Variants in CHST11 observed in about 807,000 individuals in gnomAD.
CHST11 encodes carbohydrate sulfotransferase 11.
Under a neutral mutation model 30.4 loss-of-function variants are expected in CHST11, and 9 were observed. The ratio of observed to expected loss-of-function variants is 0.30; its 90% confidence interval spans 0.18 to 0.52. The LOEUF is 0.52. Ranked by LOEUF, CHST11 falls within the 20% of genes least tolerant of loss-of-function variation. The pLI is 0.97. For synonymous variants in CHST11, 152 were observed against 187.8 expected, an observed-to-expected ratio of 0.81 and a Z score of 1.56; for missense variants, 348 against 460.6, an observed-to-expected ratio of 0.76 and a Z score of 2.24.
chr12:104,636,250 G>A (rs1274707483), intron 2 of CHST11, among the ~76,000 whole-genome samples: 1 of 152,096 alleles, frequency 6.6e-6, no homozygotes, highest in African/African-American at 2.4e-5. Context: ...TTTGTTCAAC[G>A]CTACCACCCT....
chr12:104,691,816 C>T (rs576312297), intron 2 of CHST11, among the ~76,000 whole-genome samples: 44 of 152,288 alleles, frequency 2.9e-4, no homozygotes, highest in African/African-American at 1.0e-3. Flanking sequence ...CAGGTATTGT[C>T]ACCTAAGGGC....
intron 2 of CHST11, among the ~76,000 whole-genome samples, chr12:104,750,851 A>T (rs2040426004): frequency 6.6e-6 from 1 of 152,208 alleles, no homozygotes; most frequent in South Asian, 2.1e-4. Context: ...AAATTATTTT[A>T]AAATTAAAAA....
chr12:104,541,299 C>A (rs1418340047), intron 1 of CHST11, among the ~76,000 whole-genome samples: 1 of 152,176 alleles, frequency 6.6e-6, no homozygotes, highest in Non-Finnish European at 1.5e-5. Context: ...TGATTCATCT[C>A]GTGTCAGTGA....
At chr12:104,573,841 G>A (rs1490501437) in intron 1 of CHST11, among the ~76,000 whole-genome samples, 1 of 152,156 alleles carries the variant, frequency 6.6e-6, no homozygotes, top group African/African-American at 2.4e-5. Flanking sequence ...AATGGGAACA[G>A]AAGCCAAAAT....
At chr12:104,513,489 G>T (rs1372185231) in intron 1 of CHST11, among the ~76,000 whole-genome samples, 15 of 152,148 alleles carry the variant, frequency 9.9e-5, no homozygotes, top group Admixed American at 9.8e-4. Flanking sequence ...TATAACCTTT[G>T]TGTGTTTATT....
rs1223462193 is a variant in CHST11 at position 104,601,763 on chromosome 12, CAG to C, written c.119-142_119-141del. ...AGCAGCTGTGCTGTTGGAGAAGGGA[CAG>C]TGTGGAAATCTTCCTTTGCTAGAAG... On this transcript the variant is annotated intron_variant, in intron 1 of 2. Transcript: ENST00000303694. The C allele has an allele frequency of 4.7e-6, 3 of 633,180 alleles. No homozygotes were observed. The East Asian group carries it at 8.3e-5, about 18-fold the overall frequency. The allele number at this position is 633,180 out of a possible 1,614,324, so 39.2% of individuals were successfully genotyped here.
At chr12:104,752,190 C>T (rs954330022) in intron 2 of CHST11, among the ~76,000 whole-genome samples, 9 of 152,128 alleles carry the variant, frequency 5.9e-5, no homozygotes, top group African/African-American at 2.2e-4. Flanking sequence ...TGGTGGTGGC[C>T]GGCAGTCCTT....
chr12:104,475,495 T>C (rs901996892), intron 1 of CHST11, among the ~76,000 whole-genome samples: 7 of 151,514 alleles, frequency 4.6e-5, no homozygotes, highest in Non-Finnish European at 8.8e-5. Flanking sequence ...GGACTGTTCC[T>C]GTGCTAGGGA....
In CHST11 at chr12:104,617,786, AC is replaced by A. The variant is rs1283172740; in HGVS notation, c.204+15796del. Among the ~76,000 whole-genome samples the A allele has an allele frequency of 2.6e-5, 4 of 152,342 alleles. No homozygotes were observed. The East Asian group carries it at 7.7e-4, about 29-fold the overall frequency. On this transcript the variant is annotated intron_variant, in intron 2 of 2. Coordinates refer to ENST00000303694, the MANE Select transcript of CHST11 (RefSeq NM_018413.6). ...TGCCTCAGTTTCTTTCTATGTAAAA[AC>A]AAGAAAAACAATACCTAGCTCTTTG... is the stretch of plus-strand genomic sequence containing the variant.
intron 1 of CHST11, among the ~76,000 whole-genome samples, chr12:104,530,003 C>G (rs1248392949): frequency 6.6e-6 from 1 of 152,002 alleles, no homozygotes; most frequent in African/African-American, 2.4e-5. Context: ...ACTAAAAATA[C>G]AAAAAATTAG....
At chr12:104,601,677 C>G (rs1453604899) in intron 1 of CHST11, among the ~76,000 whole-genome samples, 1 of 152,192 alleles carries the variant, frequency 6.6e-6, no homozygotes, top group African/African-American at 2.4e-5. Context: ...GCTGGGGAGA[C>G]TTTTTAGCAT....
intron 2 of CHST11, among the ~76,000 whole-genome samples, chr12:104,684,933 C>G (rs1199880525): frequency 1.3e-5 from 2 of 152,224 alleles, no homozygotes; most frequent in Non-Finnish European, 2.9e-5. Flanking sequence ...CAAAGACTGC[C>G]TCTAATCCCC....
At chr12:104,515,906 T>A (rs1430130687) in intron 1 of CHST11, among the ~76,000 whole-genome samples, 1 of 152,226 alleles carries the variant, frequency 6.6e-6, no homozygotes, top group Non-Finnish European at 1.5e-5. Context: ...GAGAGCAATG[T>A]GCATAGAGCA....
rs116176724 is a variant in CHST11, at chr12:104,618,484, G to A, written c.204+16493G>A. On this transcript the variant is annotated intron_variant, in intron 2 of 2. Coordinates refer to ENST00000303694, the MANE Select transcript of CHST11 (RefSeq NM_018413.6). ...TCCTGGGGTCAAGTAGTTCTCCTGC[G>A]TTGGCCTCCCAAAGTGCTGGGATTA... Among the ~76,000 whole-genome samples the A allele has an allele frequency of 2.6e-3, 386 of 149,308 alleles. 4 individuals are homozygous for A. The highest frequency in any genetic ancestry group is 8.9e-3 in the African/African-American group (360 of 40,568).
chr12:104,725,258 G>T (rs910237230), intron 2 of CHST11, among the ~76,000 whole-genome samples: 2 of 152,150 alleles, frequency 1.3e-5, no homozygotes, highest in African/African-American at 2.4e-5. Flanking sequence ...AACACTTCAG[G>T]TTGTTTCTGT....
intron 2 of CHST11, among the ~76,000 whole-genome samples, chr12:104,637,118 C>T (rs1166559032): frequency 6.6e-6 from 1 of 151,548 alleles, no homozygotes; most frequent in Non-Finnish European, 1.5e-5. Flanking sequence ...GCCTGGCCAA[C>T]ATGGTGAAAC....
chr12:104,743,135 A>G lies in CHST11; in HGVS notation c.205-13814A>G, dbSNP rs144900492. ...ACCGTATGTGAAGCACTGGGAATAC[A>G]ACAGTGAACAAAAATTAGTGAAAAC... On this transcript the variant is annotated intron_variant, in intron 2 of 2. Coordinates refer to ENST00000303694, the MANE Select transcript of CHST11 (RefSeq NM_018413.6). 2.9e-3 allele frequency among the ~76,000 whole-genome samples: 435 copies of G among 152,382 alleles called. 5 individuals are homozygous for G. The highest frequency in any genetic ancestry group is 9.5e-3 in the African/African-American group (396 of 41,594).
intron 1 of CHST11, among the ~76,000 whole-genome samples, chr12:104,544,357 A>T (rs1461135227): frequency 2.0e-5 from 3 of 152,078 alleles, no homozygotes. Context: ...TGTCAAAATT[A>T]AAAAATTGGT....
intron 2 of CHST11, among the ~76,000 whole-genome samples, chr12:104,705,649 G>T (rs999215064): frequency 6.6e-6 from 1 of 152,168 alleles, no homozygotes; most frequent in African/African-American, 2.4e-5. Flanking sequence ...GGCCAGGCGC[G>T]GTGGCTCACA....
Sources: gnomAD v4.1 joint callset for allele counts (sites outside exome capture counted in the v4.1 genomes callset) on GRCh38, gnomAD v4.1.1 for gene constraint, MANE v1.5 for transcripts, NCBI Gene and HGNC (gene_info 2026-07-23, HGNC 2026-07-21) for gene names.